Variants in DNAJC12 observed in about 807,000 individuals in gnomAD.
DNAJC12 encodes the protein dnaJ homolog subfamily C member 12.
In DNAJC12, 25 loss-of-function variants were observed where a neutral mutation model predicts 28.5. That is an observed-to-expected ratio of 0.88 (90% confidence interval 0.64 to 1.22). The LOEUF (loss-of-function observed/expected upper bound fraction) is 1.22. DNAJC12 is among the 50% of genes most tolerant of loss of function. DNAJC12 has a pLI of 0.00. For synonymous variants in DNAJC12, 77 were observed against 80.6 expected (o/e 0.95, Z 0.24); for missense variants, 222 against 231.7 (o/e 0.96, Z 0.27).
At chr10:67,807,752 T>C (rs897983099) in intron 3 of DNAJC12, among the ~76,000 whole-genome samples, 10 of 152,216 alleles carry the variant, frequency 6.6e-5, no homozygotes, top group African/African-American at 2.2e-4. Flanking sequence ...TACTTCTCTC[T>C]TGAAATCAAA....
intron 3 of DNAJC12, 100 bp from the exon 4 acceptor site, chr10:67,805,887 G>A (rs1841795809): frequency 1.1e-6 from 1 of 882,972 alleles, no homozygotes; most frequent in Non-Finnish European, 1.6e-6. Context: ...TACTACTGTA[G>A]TGCTAATTAA....
intron 2 of DNAJC12, among the ~76,000 whole-genome samples, chr10:67,818,029 C>T (rs1008400658): frequency 2.6e-5 from 4 of 152,056 alleles, no homozygotes; most frequent in African/African-American, 9.7e-5. Flanking sequence ...ATGGCAAAAC[C>T]CCGTCTGTAC....
intron 3 of DNAJC12, 120 bp downstream of exon 3, chr10:67,811,404 C>CT: frequency 1.3e-6 from 2 of 1,530,944 alleles, no homozygotes; most frequent in South Asian, 2.6e-5. Flanking sequence ...TATCCAGACT[C>CT]TGCTAACTTC....
chr10:67,829,118 A>G (rs1842066158), intron 1 of DNAJC12, among the ~76,000 whole-genome samples: 1 of 152,138 alleles, frequency 6.6e-6, no homozygotes, highest in East Asian at 1.9e-4. Context: ...CAGGTGTACC[A>G]AGATAGGGAA....
intron 2 of DNAJC12, among the ~76,000 whole-genome samples, chr10:67,820,638 ATAGT>A (rs1291046124): frequency 1.3e-5 from 2 of 152,238 alleles, no homozygotes; most frequent in Non-Finnish European, 1.5e-5. Flanking sequence ...AGCAGAAGCA[ATAGT>A]TAAATATCTA....
chr10:67,829,790 A>C (rs1842075601), intron 1 of DNAJC12, among the ~76,000 whole-genome samples: 1 of 152,172 alleles, frequency 6.6e-6, no homozygotes, highest in Non-Finnish European at 1.5e-5. Context: ...TTGTAATGTA[A>C]CTGTAGGTTA....
chr10:67,799,712 G>A (rs957341721), intron 4 of DNAJC12, among the ~76,000 whole-genome samples: 1 of 151,746 alleles, frequency 6.6e-6, no homozygotes, highest in African/African-American at 2.4e-5. Flanking sequence ...GTGAAACCCC[G>A]TCTCTACTAA....
At position 67,805,657 on chromosome 10, in the gene DNAJC12, G is replaced by A. The variant is rs1181761843; in HGVS notation, c.428C>T (p.Thr143Ile). Reference sequence around the variant, plus strand: ...TTCTTTCTGCTCCGTTTTCTCTGCGGTTGAAGCCAGCTCCTCTTTCTTTCT... The same window carrying A: ...TTCTTTCTGCTCCGTTTTCTCTGCGATTGAAGCCAGCTCCTCTTTCTTTCT... ...RERKKEELAS[T>I]AEKTEQKEPK... The change falls in exon 4 of 5, where the codon ACC becomes ATC. Residue 143 changes from threonine (T) to isoleucine (I), a missense_variant. Physicochemically the swap from Thr to Ile is moderately conservative, Grantham distance 89 (BLOSUM62 -1). Coordinates refer to ENST00000225171, the MANE Select transcript of DNAJC12 (RefSeq NM_021800.3). 3 of 1,613,766 alleles carry A rather than the reference G, an allele frequency of 1.9e-6. No homozygotes were observed. Among genetic ancestry groups the A allele is most frequent in the Non-Finnish European group, 2.5e-6 (3 of 1,179,894 alleles).
At chr10:67,829,055 ATGGGCCCCAGTAAAACAG>A (rs1347408064) in intron 1 of DNAJC12, among the ~76,000 whole-genome samples, 4 of 152,134 alleles carry the variant, frequency 2.6e-5, no homozygotes, top group African/African-American at 9.7e-5. Context: ...CCCTCACAAA[ATGGGCCCCAGTAAAACAG>A]TGAGCCTTAC....
chr10:67,823,413 T>TA, intron 1 of DNAJC12, 21 bp from the exon 2 acceptor site: 1 of 1,610,210 alleles, frequency 6.2e-7, no homozygotes, highest in Non-Finnish European at 8.5e-7. Flanking sequence ...AATCAGTGTT[T>TA]AAAATAAAGA....
Position 67,811,626 on chromosome 10 carries a change from A to C in DNAJC12, c.195T>G (p.Ile65Met). The C allele has an allele frequency of 6.2e-7, 1 of 1,614,104 alleles. No individual in the cohort carries two copies. The highest frequency in any genetic ancestry group is 8.5e-7 in the Non-Finnish European group (1 of 1,179,964). The change falls in exon 3 of 5, where the codon ATT becomes ATG. Residue 65 changes from isoleucine (I) to methionine (M), a missense_variant. Transcript: ENST00000225171. Reference sequence around the variant, plus strand: ...GGGCTCGACTCTCTTCATTGGTCAGAATCTCCTTTGCCTTCTGCAGTTTCT... The same window carrying C: ...GGGCTCGACTCTCTTCATTGGTCAGCATCTCCTTTGCCTTCTGCAGTTTCT... ...TFQKLQKAKE[I>M]LTNEESRARY... is the part of the protein sequence containing the mutation.
chr10:67,819,137 C>T (rs1049883133), intron 2 of DNAJC12, among the ~76,000 whole-genome samples: 16 of 151,802 alleles, frequency 1.1e-4, no homozygotes, highest in South Asian at 6.3e-4. Flanking sequence ...ATTGAGACCA[C>T]CCTAGCTAAC....
chr10:67,831,955 C>A (rs1260303622), intron 1 of DNAJC12, among the ~76,000 whole-genome samples: 1 of 152,080 alleles, frequency 6.6e-6, no homozygotes, highest in Non-Finnish European at 1.5e-5. Context: ...TCATATGATG[C>A]AAAATGTGCT....
chr10:67,835,339 A>G (rs1842131805), intron 1 of DNAJC12, among the ~76,000 whole-genome samples: 1 of 152,204 alleles, frequency 6.6e-6, no homozygotes, highest in Non-Finnish European at 1.5e-5. Context: ...AGTAAAGGAA[A>G]TGTCATATTA....
At chr10:67,806,500 A>G (rs1841801667) in intron 3 of DNAJC12, among the ~76,000 whole-genome samples, 4 of 152,164 alleles carry the variant, frequency 2.6e-5, no homozygotes, top group Admixed American at 2.6e-4. Flanking sequence ...ATTGCCACCA[A>G]TAAATGTAAC....
At chr10:67,818,709 T>G (rs895493909) in intron 2 of DNAJC12, among the ~76,000 whole-genome samples, 9 of 152,026 alleles carry the variant, frequency 5.9e-5, no homozygotes, top group African/African-American at 2.2e-4. Flanking sequence ...CAGGCTGGAG[T>G]GCAGTGGCGC....
At chr10:67,828,806 G>A in intron 1 of DNAJC12, among the ~76,000 whole-genome samples, 1 of 152,016 alleles carries the variant, frequency 6.6e-6, no homozygotes, top group Non-Finnish European at 1.5e-5. Flanking sequence ...GCTGTAAGAA[G>A]GTCCAAGAAT....
At chr10:67,828,019 C>T (rs924597243) in intron 1 of DNAJC12, among the ~76,000 whole-genome samples, 2 of 152,096 alleles carry the variant, frequency 1.3e-5, no homozygotes, top group Non-Finnish European at 2.9e-5. Flanking sequence ...GAGCTGACAC[C>T]CCCGATGTCA....
chr10:67,835,960 T>A (rs1162864150), intron 1 of DNAJC12, among the ~76,000 whole-genome samples: 1 of 152,122 alleles, frequency 6.6e-6, no homozygotes, highest in Non-Finnish European at 1.5e-5. Flanking sequence ...AAATGAATCC[T>A]CCTTCTATGT....
Sources: gnomAD v4.1 joint callset for allele counts (sites outside exome capture counted in the v4.1 genomes callset) on GRCh38, gnomAD v4.1.1 for gene constraint, MANE v1.5 for transcripts, NCBI Gene and HGNC (gene_info 2026-07-23, HGNC 2026-07-21) for gene names.